IFT57: variants seen among roughly 807,000 people sequenced by gnomAD.
IFT57 encodes intraflagellar transport 57.
In IFT57, 59 loss-of-function variants were observed where a neutral mutation model predicts 56.8. The ratio of observed to expected loss-of-function variants is 1.04; its 90% CI spans 0.84 to 1.29. IFT57 has a LOEUF of 1.29. Ranked by LOEUF, IFT57 falls within the 50% of genes most tolerant of loss-of-function variation. IFT57 has a pLI of 0.00. For synonymous variants in IFT57, 209 were observed against 186.1 expected (o/e 1.12, Z -1.00); for missense variants, 470 against 522.1 (o/e 0.90, Z 0.97).
intron 7 of IFT57, chr3:108,167,283 G>A: frequency 4.0e-6 from 1 of 251,456 alleles, no homozygotes; most frequent in Non-Finnish European, 7.6e-6. Context: ...ATCAAAGTAA[G>A]GGAATAACGT....
At chr3:108,185,526 ATT>A (rs1230486680) in intron 6 of IFT57, among the ~76,000 whole-genome samples, 1 of 141,388 alleles carries the variant, frequency 7.1e-6, no homozygotes, top group Non-Finnish European at 1.5e-5. Context: ...GAAGACATTT[ATT>A]ACTAAGAGAT....
chr3:108,204,442 T>A (rs2080298412), intron 5 of IFT57, among the ~76,000 whole-genome samples: 1 of 152,240 alleles, frequency 6.6e-6, no homozygotes, highest in African/African-American at 2.4e-5. Context: ...GGAATTGGTG[T>A]ACTGGCAGAA....
At chr3:108,165,841 C>T (rs1055585053) in intron 8 of IFT57, among the ~76,000 whole-genome samples, 2 of 151,948 alleles carry the variant, frequency 1.3e-5, no homozygotes, top group Non-Finnish European at 2.9e-5. Flanking sequence ...AGAGAAAGTC[C>T]GTTCTAAAAC....
chr3:108,213,665 A>G, intron 4 of IFT57: 1 of 289,074 alleles, frequency 3.5e-6, no homozygotes, highest in Non-Finnish European at 6.4e-6. Flanking sequence ...TGGTTAATAA[A>G]GTATTTACTC....
chr3:108,215,225 T>G (rs2080364969), intron 3 of IFT57, among the ~76,000 whole-genome samples: 1 of 152,168 alleles, frequency 6.6e-6, no homozygotes, highest in Admixed American at 6.5e-5. Context: ...TTTTTTTCCT[T>G]TTTTTAATCC....
intron 6 of IFT57, among the ~76,000 whole-genome samples, chr3:108,183,994 A>T (rs1385715467): frequency 6.6e-6 from 1 of 152,188 alleles, no homozygotes; most frequent in Non-Finnish European, 1.5e-5. Context: ...TAAAAAGTTT[A>T]TATGTTACTA....
At chr3:108,198,991 G>T (rs1305401807) in intron 5 of IFT57, among the ~76,000 whole-genome samples, 1 of 151,832 alleles carries the variant, frequency 6.6e-6, no homozygotes, top group Non-Finnish European at 1.5e-5. Context: ...TATATTTTCA[G>T]ACTTATAAAA....
intron 4 of IFT57, among the ~76,000 whole-genome samples, chr3:108,212,711 T>C (rs776090357): frequency 1.3e-5 from 2 of 152,238 alleles, no homozygotes; most frequent in Non-Finnish European, 2.9e-5. Flanking sequence ...TTTTTCAGCA[T>C]TTGCTATTAA....
intron 5 of IFT57, among the ~76,000 whole-genome samples, chr3:108,192,103 C>T (rs1347094649): frequency 1.5e-5 from 2 of 136,744 alleles, no homozygotes; most frequent in African/African-American, 2.7e-5. Context: ...ACCCGGGAGG[C>T]GGAGCTTGCA....
intron 6 of IFT57, among the ~76,000 whole-genome samples, chr3:108,180,934 A>G (rs1294826901): frequency 6.6e-6 from 1 of 152,036 alleles, no homozygotes. Flanking sequence ...TTCAATCACA[A>G]ATATCTAGTT....
At chr3:108,211,584 A>C (rs1366461396) in intron 4 of IFT57, among the ~76,000 whole-genome samples, 1 of 152,250 alleles carries the variant, frequency 6.6e-6, no homozygotes. Context: ...ACTGCCTGCT[A>C]CATAACAAGT....
At chr3:108,166,670 T>A (rs2080065122) in intron 8 of IFT57, among the ~76,000 whole-genome samples, 184 bp downstream of exon 8, 1 of 152,048 alleles carries the variant, frequency 6.6e-6, no homozygotes, top group African/African-American at 2.4e-5. Flanking sequence ...AGAAAACAAC[T>A]TCTATTACAT....
At chr3:108,188,628 G>T (rs2080197485) in intron 6 of IFT57, among the ~76,000 whole-genome samples, 1 of 152,024 alleles carries the variant, frequency 6.6e-6, no homozygotes, top group African/African-American at 2.4e-5. Context: ...AATTTGACAG[G>T]GTATATCCTC....
At position 108,166,982 on chromosome 3, in the gene IFT57, A is replaced by T. The variant is rs2080066881; in HGVS notation, c.853T>A (p.Phe285Ile). Residue 285 changes from phenylalanine to isoleucine, a missense_variant, in exon 8 of 11, where the codon TTT becomes ATT. Physicochemically the swap from Phe to Ile is conservative, Grantham distance 21. Transcript: ENST00000264538. Reference sequence around the variant, plus strand: ...ATTTCATTATGGAGTTTGTCCAAAAATCCCTAGAAATTCCATGGAATTTGC... The same window carrying T: ...ATTTCATTATGGAGTTTGTCCAAAATTCCCTAGAAATTCCATGGAATTTGC... ...IESALKETKG[F>I]LDKLHNEITR... 1 of 1,604,330 alleles carries T rather than the reference A, an allele frequency of 6.2e-7. No homozygotes were observed. Among genetic ancestry groups the T allele is most frequent in the South Asian group, 1.1e-5 (1 of 88,716 alleles).
chr3:108,218,469 C>T (rs1179609566), intron 3 of IFT57, 66 bp downstream of exon 3: 6 of 680,130 alleles, frequency 8.8e-6, no homozygotes, highest in Non-Finnish European at 1.5e-5. Flanking sequence ...AATTGAACAG[C>T]TCTGTACCCT....
chr3:108,180,771 T>C (rs2080147536), intron 6 of IFT57, among the ~76,000 whole-genome samples: 1 of 152,084 alleles, frequency 6.6e-6, no homozygotes, highest in African/African-American at 2.4e-5. Context: ...ATAAAAAGTA[T>C]ATTTTATAGC....
At position 108,222,355 on chromosome 3, in the gene IFT57, G is replaced by A. The variant is rs2080411702; in HGVS notation, c.-33C>T. The stretch of plus-strand genomic sequence containing the variant: ...CGGACAGAGTCCAGCGTGGGCTCAG[G>A]CCCACAGACCTCTGCGGCCTAAGCC... On this transcript the variant is annotated 5_prime_UTR_variant, in exon 1 of 11. Coordinates refer to ENST00000264538, the MANE Select transcript of IFT57 (RefSeq NM_018010.4). The A allele has an allele frequency of 6.4e-7, 1 of 1,574,052 alleles. No individual in the cohort carries two copies. The highest frequency in any genetic ancestry group is 8.6e-7 in the Non-Finnish European group (1 of 1,159,678).
At chr3:108,215,125 T>C (rs1289127451) in intron 3 of IFT57, among the ~76,000 whole-genome samples, 1 of 152,222 alleles carries the variant, frequency 6.6e-6, no homozygotes, top group East Asian at 1.9e-4. Flanking sequence ...CATTAAACTT[T>C]GAAAAAAATC....
At chr3:108,187,889 C>T (rs1485697657) in intron 6 of IFT57, among the ~76,000 whole-genome samples, 1 of 151,412 alleles carries the variant, frequency 6.6e-6, no homozygotes, top group Non-Finnish European at 1.5e-5. Flanking sequence ...TCCTAGATAG[C>T]CTGTGTTGAG....
Sources: allele counts gnomAD v4.1 joint callset (sites outside exome capture counted in the v4.1 genomes callset), GRCh38; gene constraint gnomAD v4.1.1; transcripts MANE v1.5; gene names NCBI Gene and HGNC (gene_info 2026-07-23, HGNC 2026-07-21).